NRXN3: variants seen among roughly 807,000 people sequenced by gnomAD.
The protein encoded by NRXN3 is neurexin 3.
Under a neutral mutation model 137.6 loss-of-function variants are expected in NRXN3, and 32 were observed. The ratio of observed to expected loss-of-function variants is 0.23; its 90% confidence interval spans 0.18 to 0.31. NRXN3 has a LOEUF of 0.31. Ranked by LOEUF, NRXN3 falls within the 10% of genes least tolerant of loss-of-function variation. The pLI is 1.00. For synonymous variants in NRXN3, 798 were observed against 784.5 expected (o/e 1.02, Z -0.29); for missense variants, 1,574 against 2,062.5 (o/e 0.76, Z 4.59).
chr14:79,853,873 T>A (rs2099396949), intron 20 of NRXN3: 1 of 987,284 alleles, frequency 1.0e-6, no homozygotes, highest in Middle Eastern at 5.2e-4. Flanking sequence ...AGTAAACAGG[T>A]TTTTTTGTTT....
chr14:78,536,580 A>T (rs2096537487), intron 4 of NRXN3, among the ~76,000 whole-genome samples: 1 of 151,902 alleles, frequency 6.6e-6, no homozygotes, highest in Non-Finnish European at 1.5e-5. Flanking sequence ...ATTGAAATAA[A>T]CATGCCTGAG....
At chr14:79,457,047 TAAA>T (rs879869277) in intron 15 of NRXN3, among the ~76,000 whole-genome samples, 4 of 132,446 alleles carry the variant, frequency 3.0e-5, no homozygotes, top group Non-Finnish European at 4.9e-5. Flanking sequence ...GTTCCAGGTT[TAAA>T]AAAAAAAAAA....
intron 16 of NRXN3, among the ~76,000 whole-genome samples, chr14:79,525,414 A>G (rs548527603): frequency 4.6e-5 from 7 of 151,912 alleles, no homozygotes; most frequent in Non-Finnish European, 8.8e-5. Context: ...TCATGATCAG[A>G]ATTTCCTGCA....
intron 4 of NRXN3, among the ~76,000 whole-genome samples, chr14:78,433,365 A>C (rs2093957194): frequency 6.6e-6 from 1 of 151,870 alleles, no homozygotes; most frequent in African/African-American, 2.4e-5. Context: ...GGCTCATGTG[A>C]TTCTATTGGG....
intron 20 of NRXN3, among the ~76,000 whole-genome samples, chr14:79,858,525 GT>G (rs1223905671): frequency 1.3e-5 from 2 of 151,864 alleles, no homozygotes; most frequent in Non-Finnish European, 2.9e-5. Flanking sequence ...CTTTAACCTA[GT>G]TTCCTCTTTG....
At chr14:79,116,935 A>C (rs1320570208) in intron 15 of NRXN3, among the ~76,000 whole-genome samples, 1 of 152,244 alleles carries the variant, frequency 6.6e-6, no homozygotes, top group Non-Finnish European at 1.5e-5. Context: ...AGATTTCTGC[A>C]ACTTTCATCT....
chr14:79,050,249 A>G lies in NRXN3; in HGVS notation c.3262+62108A>G, dbSNP rs76882968. On this transcript the variant is annotated intron_variant, in intron 15 of 20. Coordinates refer to ENST00000335750, the MANE Select transcript of NRXN3 (RefSeq NM_001330195.2). Reference sequence around the variant, plus strand: ...TATACTGCGGTTGGACTCTTCATTCAGATTTTTTCAAAGCACATTATAAAC... The same window carrying G: ...TATACTGCGGTTGGACTCTTCATTCGGATTTTTTCAAAGCACATTATAAAC... 5.8e-3 allele frequency among the ~76,000 whole-genome samples: 877 copies of G among 152,328 alleles called. 57 individuals carry two copies. In the East Asian group the frequency reaches 0.14, roughly 25 times the overall value.
At chr14:79,253,324 A>G (rs1278645023) in intron 15 of NRXN3, among the ~76,000 whole-genome samples, 1 of 152,126 alleles carries the variant, frequency 6.6e-6, no homozygotes, top group African/African-American at 2.4e-5. Flanking sequence ...TAGTTTAGGT[A>G]TGGTTGCCAG....
intron 4 of NRXN3, among the ~76,000 whole-genome samples, chr14:78,533,333 G>C (rs567978603): frequency 2.6e-5 from 4 of 151,856 alleles, no homozygotes; most frequent in African/African-American, 9.7e-5. Flanking sequence ...TGATCCGCCC[G>C]CCTCAGCCTC....
chr14:79,328,855 G>C (rs989659717), intron 15 of NRXN3, among the ~76,000 whole-genome samples: 10 of 152,094 alleles, frequency 6.6e-5, no homozygotes, highest in African/African-American at 1.9e-4. Context: ...TTCACTTCTT[G>C]ATATACACAT....
rs114335379 is a variant in NRXN3, at chr14:78,486,729, C to G, written c.758-158391C>G. Among the ~76,000 whole-genome samples, 953 of 152,290 alleles carry G rather than the reference C, an allele frequency of 6.3e-3. 8 individuals carry two copies. The highest frequency in any genetic ancestry group is 0.022 in the African/African-American group (899 of 41,560). On this transcript the variant is annotated intron_variant, in intron 4 of 20. Transcript: ENST00000335750. ...TAGAGATAACTACATCACATAAGCT[C>G]TGTCCATGACTGTGAACTTTTATGG...
intron 19 of NRXN3, among the ~76,000 whole-genome samples, chr14:79,718,750 A>G (rs2098832144): frequency 6.6e-6 from 1 of 152,154 alleles, no homozygotes; most frequent in South Asian, 2.1e-4. Flanking sequence ...AAGTCCAGGC[A>G]GTTTTTAATT....
intron 7 of NRXN3, among the ~76,000 whole-genome samples, chr14:78,711,434 CTTTTTTTTT>C (rs35251417): frequency 3.0e-5 from 3 of 99,088 alleles, no homozygotes. Context: ...ATTCTTTTCT[CTTTTTTTTT>C]TTTTTTTTTT....
intron 4 of NRXN3, among the ~76,000 whole-genome samples, chr14:78,447,722 C>G (rs1022129181): frequency 4.6e-5 from 7 of 152,196 alleles, no homozygotes; most frequent in Admixed American, 4.6e-4. Flanking sequence ...GTTAATCATG[C>G]TTGCTATGGC....
chr14:79,685,909 TA>T (rs1407726100), intron 17 of NRXN3, among the ~76,000 whole-genome samples: 6 of 152,264 alleles, frequency 3.9e-5, no homozygotes, highest in African/African-American at 1.4e-4. Flanking sequence ...CAGCAAGGAA[TA>T]GGGGCATGAA....
intron 1 of NRXN3, among the ~76,000 whole-genome samples, chr14:78,177,187 C>T (rs145165170): frequency 3.7e-4 from 57 of 152,304 alleles, no homozygotes; most frequent in African/African-American, 1.3e-3. Context: ...AGCCTTCTTT[C>T]TCACGAAGGG....
chr14:79,307,856 A>G (rs1228798040), intron 15 of NRXN3, among the ~76,000 whole-genome samples: 1 of 147,794 alleles, frequency 6.8e-6, no homozygotes, highest in Non-Finnish European at 1.5e-5. Context: ...AGCCATTTGT[A>G]TTAGTTTGCT....
Position 78,639,500 on chromosome 14 carries a change from A to T in NRXN3, c.758-5620A>T, listed in dbSNP as rs192437890. 2.0e-5 allele frequency among the ~76,000 whole-genome samples: 3 copies of T among 152,280 alleles called. No homozygotes were observed. The East Asian group carries it at 5.8e-4, about 29-fold the overall frequency. On this transcript the variant is annotated intron_variant, in intron 4 of 20. Transcript: ENST00000335750. ...CTAAGGCTCTCTGTTGGAGGTAAAG[A>T]GTGTTATCTTCTCAGATTGGCTTTT...
chr14:78,718,476 G>A (rs1159382041), intron 8 of NRXN3, among the ~76,000 whole-genome samples: 1 of 152,158 alleles, frequency 6.6e-6, no homozygotes, highest in African/African-American at 2.4e-5. Flanking sequence ...ATAAATCTAA[G>A]AGACAATTCC....
Sources: allele counts gnomAD v4.1 joint callset (sites outside exome capture counted in the v4.1 genomes callset), GRCh38; gene constraint gnomAD v4.1.1; transcripts MANE v1.5; gene names NCBI Gene and HGNC (gene_info 2026-07-23, HGNC 2026-07-21).